WDR41: variants seen among roughly 807,000 people sequenced by gnomAD.
The protein encoded by WDR41 is WD repeat-containing protein 41.
Under a neutral mutation model 69.3 loss-of-function variants are expected in WDR41, and 63 were observed. The observed-to-expected ratio is 0.91, with a 90% confidence interval of 0.74 to 1.12. WDR41 has a LOEUF of 1.12. Among genes scored for constraint, WDR41 ranks in the 50% most tolerant of loss-of-function variants. The pLI is 0.00. For synonymous variants in WDR41, 185 were observed against 192.1 expected (o/e 0.96, Z 0.31); for missense variants, 543 against 534.5 (o/e 1.02, Z -0.16).
intron 1 of WDR41, among the ~76,000 whole-genome samples, chr5:77,542,836 G>A (rs764578899): frequency 7.9e-5 from 12 of 152,324 alleles, no homozygotes; most frequent in South Asian, 2.1e-4. Context: ...GCTCCAGAAT[G>A]ACTGCAGGAA....
At chr5:77,462,409 CAA>C (rs10670808) in intron 4 of WDR41, among the ~76,000 whole-genome samples, 4,048 of 102,358 alleles carry the variant, frequency 0.04, 96 homozygotes, top group South Asian at 0.17. Context: ...AACTCCGTCT[CAA>C]AAAAAAAAAA....
chr5:77,510,833 G>A (rs551792798), intron 1 of WDR41, among the ~76,000 whole-genome samples: 87 of 143,928 alleles, frequency 6.0e-4, no homozygotes, highest in Non-Finnish European at 1.0e-3. Flanking sequence ...GTGCAGTGGC[G>A]TGATCTCGGC....
At chr5:77,595,406 A>G (rs989060392) in intron 1 of WDR41, among the ~76,000 whole-genome samples, 2 of 152,156 alleles carry the variant, frequency 1.3e-5, no homozygotes, top group Non-Finnish European at 2.9e-5. Context: ...AGTTACCAGC[A>G]TGATTTGCTT....
At chr5:77,494,128 A>G (rs1041949310), upstream of WDR41, among the ~76,000 whole-genome samples, 1 of 152,208 alleles carries the variant, frequency 6.6e-6, no homozygotes, top group African/African-American at 2.4e-5. Flanking sequence ...TTAGGATGTT[A>G]AATGTAATTC....
At chr5:77,531,083 A>T (rs1252556640) in intron 1 of WDR41, among the ~76,000 whole-genome samples, 3 of 151,984 alleles carry the variant, frequency 2.0e-5, no homozygotes, top group Middle Eastern at 3.4e-3. Context: ...AATCTTCATG[A>T]CCTCAGATTT....
intron 1 of WDR41, among the ~76,000 whole-genome samples, chr5:77,526,274 C>A (rs1802445351): frequency 6.6e-6 from 1 of 151,706 alleles, no homozygotes; most frequent in Non-Finnish European, 1.5e-5. Context: ...GTCATTTCAA[C>A]CTTAAATACT....
intron 1 of WDR41, among the ~76,000 whole-genome samples, chr5:77,594,578 T>C (rs1744192519): frequency 6.6e-6 from 1 of 152,114 alleles, no homozygotes. Context: ...GGCAGCAAAA[T>C]ACTGTTTCTA....
upstream of WDR41, among the ~76,000 whole-genome samples, chr5:77,493,699 T>A (rs1409765580): frequency 2.0e-5 from 3 of 152,188 alleles, no homozygotes; most frequent in African/African-American, 4.8e-5. Context: ...AAAGAGGGAC[T>A]TATCTTTAAG....
At chr5:77,612,357 C>A (rs1744577427) in intron 1 of WDR41, among the ~76,000 whole-genome samples, 1 of 152,164 alleles carries the variant, frequency 6.6e-6, no homozygotes, top group Non-Finnish European at 1.5e-5. Context: ...GAATTTTAGA[C>A]CAATATCCTT....
chr5:77,594,251 A>T (rs1380232771), intron 1 of WDR41, among the ~76,000 whole-genome samples: 7 of 114,988 alleles, frequency 6.1e-5, no homozygotes, highest in Non-Finnish European at 1.2e-4. Flanking sequence ...AACATCACAC[A>T]CCGGGGCCTG....
intron 1 of WDR41, among the ~76,000 whole-genome samples, chr5:77,557,390 G>A (rs73126040): frequency 0.15 from 22,894 of 152,016 alleles, 2,660 homozygotes; most frequent in African/African-American, 0.31. Flanking sequence ...CCTACTATAA[G>A]TCACCAGAGA....
intron 1 of WDR41, among the ~76,000 whole-genome samples, chr5:77,506,861 G>A (rs1802115763): frequency 6.6e-6 from 1 of 151,894 alleles, no homozygotes; most frequent in Non-Finnish European, 1.5e-5. Context: ...CACAGGATGG[G>A]GAACATCACA....
intron 5 of WDR41, among the ~76,000 whole-genome samples, chr5:77,455,332 T>G (rs1478341816): frequency 6.6e-6 from 1 of 152,262 alleles, no homozygotes; most frequent in African/African-American, 2.4e-5. Flanking sequence ...ATTGGAGTAT[T>G]TGCTTTTTTA....
intron 5 of WDR41, among the ~76,000 whole-genome samples, chr5:77,458,269 A>G (rs1287461268): frequency 6.6e-6 from 1 of 152,160 alleles, no homozygotes; most frequent in Non-Finnish European, 1.5e-5. Context: ...GCACAGTGCC[A>G]TGAGATGGCT....
chr5:77,523,131 T>C (rs1003651378), intron 1 of WDR41, among the ~76,000 whole-genome samples: 4 of 152,024 alleles, frequency 2.6e-5, no homozygotes, highest in African/African-American at 7.2e-5. Flanking sequence ...CTGGCCAACA[T>C]AGTGAAACCC....
rs1744006045 is a variant in WDR41, at chr5:77,584,673, C to T, written c.42+35806G>A. 5.3e-5 allele frequency among the ~76,000 whole-genome samples: 8 copies of T among 152,226 alleles called. No homozygotes were observed. The South Asian group carries it at 1.7e-3, about 32-fold the overall frequency. Reference sequence around the variant, plus strand: ...GCTGGGATAATTAGCAAGCCAAATACTTACAGACAACTGATCTTCAAAAAA... The same window carrying T: ...GCTGGGATAATTAGCAAGCCAAATATTTACAGACAACTGATCTTCAAAAAA... On this transcript the variant is annotated intron_variant, in intron 1 of 5. Transcript: ENST00000509971.
chr5:77,619,978 C>CT (rs535005831), intron 1 of WDR41, among the ~76,000 whole-genome samples: 30 of 151,968 alleles, frequency 2.0e-4, no homozygotes, highest in Non-Finnish European at 3.4e-4. Context: ...ACTACTGGTA[C>CT]TTTTTTTCCT....
chr5:77,459,263 A>G (rs916278260), intron 4 of WDR41, 139 bp from the exon 5 acceptor site: 2 of 588,970 alleles, frequency 3.4e-6, no homozygotes, highest in Admixed American at 3.3e-5. Context: ...TGTTTATACC[A>G]CCACAAAAAT....
chr5:77,492,540 C>T (rs546925815), upstream of WDR41: 13 of 341,528 alleles, frequency 3.8e-5, no homozygotes, highest in East Asian at 4.2e-4. Context: ...GGGTAGCGCA[C>T]GGAGCTTAGG....
Sources: allele counts gnomAD v4.1 joint callset (sites outside exome capture counted in the v4.1 genomes callset), GRCh38; gene constraint gnomAD v4.1.1; transcripts MANE v1.5; gene names NCBI Gene and HGNC (gene_info 2026-07-23, HGNC 2026-07-21).